SHOC2: variants seen among roughly 807,000 people sequenced by gnomAD.
SHOC2 encodes leucine-rich repeat protein SHOC-2.
A neutral mutation model predicts 50.2 loss-of-function variants in SHOC2; 4 were observed. The ratio of observed to expected loss-of-function variants is 0.08; its 90% CI spans 0.04 to 0.18. The LOEUF (loss-of-function observed/expected upper bound fraction) is 0.18. SHOC2 is among the 10% of genes least tolerant of loss of function. SHOC2 has a pLI of 1.00. For missense variants in SHOC2, 388 were observed against 669.6 expected, an observed-to-expected ratio of 0.58 and a Z score of 4.64; for synonymous variants, 218 against 244.5, an observed-to-expected ratio of 0.89 and a Z score of 1.01.
chr10:110,939,867 TC>T (rs1308451444), intron 1 of SHOC2, among the ~76,000 whole-genome samples: 2 of 152,178 alleles, frequency 1.3e-5, no homozygotes, highest in Non-Finnish European at 2.9e-5. Flanking sequence ...CATCATCACT[TC>T]CTAATGGTCA....
In SHOC2 at chr10:110,964,024, G is replaced by A. The variant is rs1007099113; in HGVS notation, c.-234-101G>A. On this transcript the variant is annotated intron_variant, in intron 1 of 8. Transcript: ENST00000369452. This position sits in a 1 kb window ranked among gnomAD's most constrained non-coding sequence, Gnocchi z 4.9. ...AGGATGTTCATAAATATTTGAGAAT[G>A]AAATCATAGGAAAATGGCAAACTCT... 4.3e-5 allele frequency: 18 copies of A among 418,160 alleles called. No homozygotes were observed. Among genetic ancestry groups the A allele is most frequent in the African/African-American group, 2.7e-4 (13 of 48,546 alleles). 25.9% of individuals were successfully genotyped at this position (418,160 alleles called of 1,614,324 possible).
chr10:110,995,567 C>T (rs1848254788), intron 3 of SHOC2, among the ~76,000 whole-genome samples: 1 of 152,126 alleles, frequency 6.6e-6, no homozygotes, highest in African/African-American at 2.4e-5. Flanking sequence ...TGATAGGGAG[C>T]CAACCAAGTT....
chr10:110,931,403 C>G (rs1161130487), intron 1 of SHOC2, among the ~76,000 whole-genome samples: 2 of 152,036 alleles, frequency 1.3e-5, no homozygotes, highest in Non-Finnish European at 2.9e-5. Flanking sequence ...TTCTTTGGAC[C>G]AATCTTTTGG....
intron 1 of SHOC2, among the ~76,000 whole-genome samples, chr10:110,960,396 C>T (rs956010025): frequency 6.6e-6 from 1 of 152,170 alleles, no homozygotes; most frequent in African/African-American, 2.4e-5. Context: ...TCACCACCGT[C>T]ATATAGTCAT....
At chr10:110,981,439 G>T (rs1847974642) in intron 2 of SHOC2, among the ~76,000 whole-genome samples, 1 of 152,182 alleles carries the variant, frequency 6.6e-6, no homozygotes, top group Non-Finnish European at 1.5e-5. Context: ...CAGTTCTGGG[G>T]CAGAGGTTTG....
chr10:110,963,171 A>G (rs1220541732), intron 1 of SHOC2, among the ~76,000 whole-genome samples: 1 of 152,226 alleles, frequency 6.6e-6, no homozygotes, highest in Non-Finnish European at 1.5e-5. Context: ...GAGTCATAAA[A>G]TAAGAATTAC....
In SHOC2 at chr10:111,009,348, C is replaced by A; in HGVS notation, c.1385C>A (p.Ser462Tyr). 1 of 1,609,722 alleles carries A rather than the reference C, an allele frequency of 6.2e-7. No individual in the cohort carries two copies. The highest frequency in any genetic ancestry group is 2.2e-5 in the East Asian group (1 of 44,688). Residue 462 changes from serine to tyrosine, a missense_variant, in exon 7 of 9, where the codon TCC becomes TAC. Around this residue, in one of 5 missense-constraint regions of SHOC2, gnomAD observed 130 missense variants for 208.6 expected, o/e 0.62. Transcript: ENST00000369452. ...ELDLEENKLE[S>Y]LPNEIAYLKD... The stretch of plus-strand genomic sequence containing the variant: ...GATCTAGAAGAGAACAAATTGGAAT[C>A]CTTGCCAAATGAAATTGCATATCTT...
chr10:110,931,902 C>T (rs978762728), intron 1 of SHOC2, among the ~76,000 whole-genome samples: 10 of 152,094 alleles, frequency 6.6e-5, no homozygotes, highest in African/African-American at 2.4e-4. Flanking sequence ...CCTGTTTTCC[C>T]ATTACCTTTA....
At chr10:110,919,589 T>A (rs1846561856), upstream of SHOC2, 1 of 391,604 alleles carries the variant, frequency 2.6e-6, no homozygotes, top group South Asian at 1.3e-4. Flanking sequence ...CAGCGTCGCT[T>A]CTTAGGAGGA....
chr10:110,946,529 G>C (rs1408045546), intron 1 of SHOC2, among the ~76,000 whole-genome samples: 1 of 151,594 alleles, frequency 6.6e-6, no homozygotes, highest in Non-Finnish European at 1.5e-5. Context: ...AAATAAAGCA[G>C]GGTAAAAAGA....
At chr10:111,004,461 A>G (rs887156824) in intron 4 of SHOC2, 145 bp from the exon 5 acceptor site, 9 of 657,800 alleles carry the variant, frequency 1.4e-5, no homozygotes, top group Admixed American at 7.2e-5. Flanking sequence ...GTCCCTGTAG[A>G]GAAGTGTCAC....
chr10:110,990,578 C>G (rs991207447), intron 3 of SHOC2, among the ~76,000 whole-genome samples: 1 of 151,954 alleles, frequency 6.6e-6, no homozygotes, highest in East Asian at 1.9e-4. Context: ...CACCAATCAG[C>G]GCCCTGACAA....
In SHOC2 at chr10:110,964,231, C is replaced by T. The variant is rs1195802830; in HGVS notation, c.-128C>T. On this transcript the variant is annotated 5_prime_UTR_variant, in exon 2 of 9. Coordinates refer to ENST00000369452, the MANE Select transcript of SHOC2 (RefSeq NM_007373.4). This position sits in a 1 kb window ranked among gnomAD's most constrained non-coding sequence, Gnocchi z 4.9. Reference sequence around the variant, plus strand: ...TCCAACATGTAACAGATGGATGTTACTCCATGCTGATTACTTCTTCAAGCC... The same window carrying T: ...TCCAACATGTAACAGATGGATGTTATTCCATGCTGATTACTTCTTCAAGCC... 1.2e-5 allele frequency: 17 copies of T among 1,408,196 alleles called. No homozygotes were observed. The highest frequency in any genetic ancestry group is 1.5e-5 in the Non-Finnish European group (16 of 1,046,332). 87.2% of individuals were successfully genotyped at this position (1,408,196 alleles called of 1,614,324 possible).
rs185913562 is a variant in SHOC2 at position 110,924,584 on chromosome 10, T to A, written c.-235+4927T>A. ...TAATAATATTTCTTGTGTTCCTAAT[T>A]TTATTTGGGCTTTGAACTGCAGATC... On this transcript the variant is annotated intron_variant, in intron 1 of 8. Coordinates refer to ENST00000369452, the MANE Select transcript of SHOC2 (RefSeq NM_007373.4). Among the ~76,000 whole-genome samples the A allele has an allele frequency of 4.1e-3, 624 of 152,306 alleles. 1 individual carries two copies. The highest frequency in any genetic ancestry group is 7.5e-3 in the Non-Finnish European group (510 of 68,020).
At chr10:110,934,733 ATT>A (rs1846969011) in intron 1 of SHOC2, among the ~76,000 whole-genome samples, 1 of 152,104 alleles carries the variant, frequency 6.6e-6, no homozygotes, top group East Asian at 1.9e-4. Context: ...ATAATTTGCT[ATT>A]TGTATGACCC....
chr10:111,011,526 A>G (rs1400199247), intron 8 of SHOC2, 84 bp from the exon 9 acceptor site: 3 of 881,502 alleles, frequency 3.4e-6, no homozygotes, highest in Non-Finnish European at 5.6e-6. Flanking sequence ...CAGTATATGT[A>G]ATGACCAGAA....
At chr10:111,010,595 C>T (rs1293337265) in intron 8 of SHOC2, among the ~76,000 whole-genome samples, 2 of 151,994 alleles carry the variant, frequency 1.3e-5, no homozygotes, top group Non-Finnish European at 2.9e-5. Flanking sequence ...GACTAGTTAA[C>T]GGGTGCAGCA....
intron 8 of SHOC2, 147 bp downstream of exon 8, chr10:111,009,977 G>T: frequency 6.7e-6 from 4 of 595,796 alleles, no homozygotes; most frequent in East Asian, 2.8e-5. Flanking sequence ...GAGCACCGAT[G>T]GTTGATTGTT....
chr10:110,936,882 T>C (rs773837511), intron 1 of SHOC2: 9 of 1,380,380 alleles, frequency 6.5e-6, no homozygotes, highest in Non-Finnish European at 9.3e-6. Flanking sequence ...GGAACCACCA[T>C]CCGCTTTTTC....
Sources: allele counts gnomAD v4.1 joint callset (sites outside exome capture counted in the v4.1 genomes callset), GRCh38; gene constraint gnomAD v4.1.1; regional missense constraint gnomAD v4.1.1; non-coding constraint Gnocchi (gnomAD v3.1); transcripts MANE v1.5; gene names NCBI Gene and HGNC (gene_info 2026-07-23, HGNC 2026-07-21).